LHCGR: variants seen among roughly 807,000 people sequenced by gnomAD.
LHCGR encodes the protein lutropin-choriogonadotropic hormone receptor.
In LHCGR, 55 loss-of-function variants were observed where a neutral mutation model predicts 60.7. The ratio of observed to expected loss-of-function variants is 0.91; its 90% CI spans 0.73 to 1.13. The LOEUF (loss-of-function observed/expected upper bound fraction) is 1.13, where lower values mean the gene tolerates loss of function less well. Ranked by LOEUF, LHCGR falls within the 50% of genes most tolerant of loss-of-function variation. The pLI, the probability that LHCGR is intolerant of heterozygous loss-of-function variation, is 0.00. For synonymous variants in LHCGR, 337 were observed against 316.5 expected (o/e 1.06, Z -0.69); for missense variants, 862 against 836.0 (o/e 1.03, Z -0.38).
intron 1 of LHCGR, among the ~76,000 whole-genome samples, chr2:48,743,460 C>A (rs898852586): frequency 6.6e-6 from 1 of 152,154 alleles, no homozygotes; most frequent in Non-Finnish European, 1.5e-5. Flanking sequence ...TGCTGGCAAA[C>A]CGAATCCAGC....
intron 6 of LHCGR, among the ~76,000 whole-genome samples, chr2:48,719,366 A>G (rs1668404041): frequency 6.6e-6 from 1 of 152,080 alleles, no homozygotes; most frequent in Admixed American, 6.5e-5. Flanking sequence ...CAGTCTCTCT[A>G]CTGTGGCTTG....
chr2:48,723,846 C>G (rs549406179), intron 4 of LHCGR, 150 bp from the exon 5 acceptor site: 1 of 664,324 alleles, frequency 1.5e-6, no homozygotes, highest in East Asian at 2.7e-5. Context: ...GTTATCAGGA[C>G]TACTTTTAGC....
chr2:48,721,985 A>C (rs959009792), intron 6 of LHCGR, among the ~76,000 whole-genome samples: 1 of 152,150 alleles, frequency 6.6e-6, no homozygotes, highest in African/African-American at 2.4e-5. Flanking sequence ...TCCTGTCTCT[A>C]CTAAAAATAC....
intron 8 of LHCGR, among the ~76,000 whole-genome samples, chr2:48,705,137 TTC>T (rs1345193710): frequency 6.6e-6 from 1 of 152,218 alleles, no homozygotes; most frequent in Non-Finnish European, 1.5e-5. Context: ...TTGCCTTCAT[TTC>T]GTTATGTACC....
chr2:48,713,961 G>C (rs759100142), intron 7 of LHCGR, 25 bp downstream of exon 7: 4 of 1,522,512 alleles, frequency 2.6e-6, no homozygotes, highest in East Asian at 4.5e-5. Context: ...TTATTCCTGA[G>C]CTGGGGAAAT....
chr2:48,724,075 G>A (rs55808787), intron 4 of LHCGR, among the ~76,000 whole-genome samples: 4 of 152,268 alleles, frequency 2.6e-5, no homozygotes, highest in Non-Finnish European at 5.9e-5. Context: ...GTTCGAGAAA[G>A]CATCCTTAAA....
intron 6 of LHCGR, among the ~76,000 whole-genome samples, chr2:48,722,818 C>A (rs916561672): frequency 1.3e-5 from 2 of 152,192 alleles, no homozygotes; most frequent in Non-Finnish European, 2.9e-5. Context: ...TATACACCAG[C>A]TCTCAGAAGA....
intron 3 of LHCGR, among the ~76,000 whole-genome samples, chr2:48,725,977 G>T (rs1668701352): frequency 6.6e-6 from 1 of 152,040 alleles, no homozygotes; most frequent in South Asian, 2.1e-4. Context: ...TAAAGAGGTG[G>T]GTATAAGGAT....
At chr2:48,694,002 T>G (rs963688275) in intron 10 of LHCGR, among the ~76,000 whole-genome samples, 2 of 152,066 alleles carry the variant, frequency 1.3e-5, no homozygotes. Context: ...AGAATAAATA[T>G]TAAGGAACAT....
chr2:48,729,056 T>G, intron 3 of LHCGR, 97 bp downstream of exon 3: 1 of 975,128 alleles, frequency 1.0e-6, no homozygotes, highest in South Asian at 1.3e-5. Flanking sequence ...TCCTTTTGGA[T>G]TCCTAGCAGT....
chr2:48,698,897 A>C, intron 8 of LHCGR, 97 bp from the exon 9 acceptor site: 1 of 1,000,044 alleles, frequency 1.0e-6, no homozygotes, highest in Non-Finnish European at 1.5e-6. Flanking sequence ...GCTGGAGTGC[A>C]GTGGCACGAC....
At chr2:48,711,371 T>C (rs1022269411) in intron 7 of LHCGR, among the ~76,000 whole-genome samples, 3 of 152,232 alleles carry the variant, frequency 2.0e-5, no homozygotes, top group Admixed American at 1.3e-4. Flanking sequence ...GTGACCTCTC[T>C]ACCATTGCAG....
intron 6 of LHCGR, chr2:48,720,843 A>T (rs1668465328): frequency 6.6e-6 from 1 of 152,242 alleles, no homozygotes; most frequent in Non-Finnish European, 1.5e-5. Flanking sequence ...TAGGGTTGAT[A>T]GTTCCTATCT....
chr2:48,739,490 T>C (rs528166995), intron 1 of LHCGR, among the ~76,000 whole-genome samples: 1 of 151,674 alleles, frequency 6.6e-6, no homozygotes, highest in Non-Finnish European at 1.5e-5. Context: ...CCATAAAAAA[T>C]GATGAGTTCA....
At chr2:48,748,313 C>G (rs1193322498) in intron 1 of LHCGR, among the ~76,000 whole-genome samples, 3 of 152,100 alleles carry the variant, frequency 2.0e-5, no homozygotes, top group Non-Finnish European at 4.4e-5. Context: ...CACCTGAAGG[C>G]TTTCTGTGTG....
intron 4 of LHCGR, among the ~76,000 whole-genome samples, chr2:48,723,993 T>C (rs1160631763): frequency 1.3e-5 from 2 of 152,194 alleles, no homozygotes; most frequent in African/African-American, 4.8e-5. Context: ...TCTTTTCTTA[T>C]TAAATCAATC....
intron 6 of LHCGR, among the ~76,000 whole-genome samples, chr2:48,715,833 C>G (rs1205577161): frequency 1.3e-5 from 2 of 152,146 alleles, no homozygotes; most frequent in African/African-American, 4.8e-5. Context: ...CAAAATAATT[C>G]TTAAGTCTCC....
chr2:48,722,050 T>C (rs1668521252), intron 6 of LHCGR, among the ~76,000 whole-genome samples: 1 of 152,204 alleles, frequency 6.6e-6, no homozygotes, highest in Non-Finnish European at 1.5e-5. Flanking sequence ...CTCAGGAGGC[T>C]GAGGCAGGAG....
chr2:48,700,655 A>G (rs1273030656), intron 8 of LHCGR, among the ~76,000 whole-genome samples: 1 of 152,214 alleles, frequency 6.6e-6, no homozygotes, highest in Non-Finnish European at 1.5e-5. Context: ...CTCTGCCTAC[A>G]GGATGTGCTA....
Sources: allele counts gnomAD v4.1 joint callset (sites outside exome capture counted in the v4.1 genomes callset), GRCh38; gene constraint gnomAD v4.1.1; transcripts MANE v1.5; gene names NCBI Gene and HGNC (gene_info 2026-07-23, HGNC 2026-07-21).